Variants in LMO3 observed in about 807,000 individuals in gnomAD.
The protein encoded by LMO3 is LIM domain only protein 3.
In LMO3, 2 loss-of-function variants were observed where a neutral mutation model predicts 15.8. The ratio of observed to expected loss-of-function variants is 0.13; its 90% CI spans 0.05 to 0.40. The LOEUF (loss-of-function observed/expected upper bound fraction) is 0.40, where lower values mean the gene tolerates loss of function less well. Among genes scored for constraint, LMO3 ranks in the 10% least tolerant of loss-of-function variants. The pLI is 0.99. For synonymous variants in LMO3, 62 were observed against 63.8 expected, an observed-to-expected ratio of 0.97 and a Z score of 0.13; for missense variants, 86 against 182.2, an observed-to-expected ratio of 0.47 and a Z score of 3.04.
At chr12:16,600,176 CTT>C (rs981350739) in intron 2 of LMO3, 2 of 156,540 alleles carry the variant, frequency 1.3e-5, no homozygotes, top group African/African-American at 4.9e-5. Flanking sequence ...CAATTAAACT[CTT>C]TTACACAGTC....
At chr12:16,551,765 G>A (rs972522344) in intron 3 of LMO3, among the ~76,000 whole-genome samples, 1 of 151,962 alleles carries the variant, frequency 6.6e-6, no homozygotes, top group Non-Finnish European at 1.5e-5. Flanking sequence ...GCATTAAAAT[G>A]AATCAAACAA....
chr12:16,581,956 T>C (rs1388761812), intron 2 of LMO3, among the ~76,000 whole-genome samples: 1 of 152,114 alleles, frequency 6.6e-6, no homozygotes. Flanking sequence ...ATAAAATAAT[T>C]ATCTTTTTTA....
At chr12:16,605,439 C>CG (rs1943960404) in intron 1 of LMO3, 1 of 644,882 alleles carries the variant, frequency 1.6e-6, no homozygotes, top group South Asian at 7.1e-5. Flanking sequence ...CCCGCCTGCC[C>CG]CCCCCCCCCG....
At chr12:16,581,241 T>G (rs186279185) in intron 2 of LMO3, among the ~76,000 whole-genome samples, 49 of 152,296 alleles carry the variant, frequency 3.2e-4, no homozygotes, top group African/African-American at 1.2e-3. Context: ...GTACAGCTCA[T>G]AAGGATGGGT....
chr12:16,585,170 A>G lies in LMO3; in HGVS notation c.206+15485T>C, dbSNP rs1943278993. On this transcript the variant is annotated intron_variant, in intron 2 of 3. Transcript: ENST00000537304. The surrounding 1 kb of genome is among the most constrained non-coding windows in gnomAD (Gnocchi z 4.7). ...CATGCAAGCCCCAGTTCACAACGTT[A>G]TTTTTCCTTCCAGACTCCGGAACCT... Among the ~76,000 whole-genome samples, 1 of 152,054 alleles carries G rather than the reference A, an allele frequency of 6.6e-6. No individual in the cohort carries two copies. The highest frequency in any genetic ancestry group is 1.5e-5 in the Non-Finnish European group (1 of 68,022).
At position 16,599,925 on chromosome 12, in the gene LMO3, A is replaced by G. The variant is rs1472615336; in HGVS notation, c.206+730T>C. 6.6e-6 allele frequency: 1 copy of G among 152,184 alleles called. No individual in the cohort carries two copies. Among genetic ancestry groups the G allele is most frequent in the Non-Finnish European group, 1.5e-5 (1 of 68,048 alleles). 9.4% of individuals were successfully genotyped at this position (152,184 alleles called of 1,614,324 possible). On this transcript the variant is annotated intron_variant, in intron 2 of 3. Transcript: ENST00000537304. The surrounding 1 kb of genome is among the most constrained non-coding windows in gnomAD (Gnocchi z 4.1). The stretch of plus-strand genomic sequence containing the variant: ...TTACTTTGTTATTATCCATAAAACT[A>G]CTGGCAAGTCTGAGGCGGTTCAATT...
chr12:16,605,342 T>C (rs1943951756), intron 1 of LMO3: 6 of 1,156,540 alleles, frequency 5.2e-6, no homozygotes, highest in Non-Finnish European at 6.4e-6. Flanking sequence ...CCGTAAAAAA[T>C]GTGCTGCATC....
chr12:16,602,233 T>G (rs1943844248), intron 1 of LMO3: 2 of 152,358 alleles, frequency 1.3e-5, no homozygotes, highest in South Asian at 2.1e-4. Flanking sequence ...TCTGCACTTT[T>G]GTACATTTTC....
intron 2 of LMO3, among the ~76,000 whole-genome samples, chr12:16,569,901 T>G (rs1220552461): frequency 6.6e-6 from 1 of 152,114 alleles, no homozygotes. Context: ...TAGAAACAAA[T>G]ATTTTATCTA....
chr12:16,595,497 A>G (rs1374514919), intron 2 of LMO3, among the ~76,000 whole-genome samples: 1 of 151,406 alleles, frequency 6.6e-6, no homozygotes, highest in Admixed American at 6.6e-5. Context: ...CTTCTGAAGA[A>G]TTATCCAAAA....
At chr12:16,552,007 T>C (rs889387639) in intron 3 of LMO3, among the ~76,000 whole-genome samples, 1 of 152,140 alleles carries the variant, frequency 6.6e-6, no homozygotes, top group African/African-American at 2.4e-5. Context: ...GTAACCTAAA[T>C]GAACTACTTA....
Position 16,603,147 on chromosome 12 carries a change from TCA to T in LMO3, c.-8-2281_-8-2280del, listed in dbSNP as rs1943881119. Among the ~76,000 whole-genome samples the T allele has an allele frequency of 6.6e-6, 1 of 152,206 alleles. No homozygotes were observed. The highest frequency in any genetic ancestry group is 2.1e-4 in the South Asian group (1 of 4,834). Reference sequence around the variant, plus strand: ...ACAAGTAACACTACCCTACTTGTCTTCACAAAATGTTTTTGTTGTGTTGACAT... The same window carrying T: ...ACAAGTAACACTACCCTACTTGTCTTCAAAATGTTTTTGTTGTGTTGACAT... On this transcript the variant is annotated intron_variant, in intron 1 of 3. Transcript: ENST00000537304. This position sits in a 1 kb window ranked among gnomAD's most constrained non-coding sequence, Gnocchi z 4.9.
At chr12:16,578,821 C>A (rs11834066) in intron 2 of LMO3, among the ~76,000 whole-genome samples, 54 of 65,262 alleles carry the variant, frequency 8.3e-4, no homozygotes, top group African/African-American at 4.2e-3. Context: ...CTGTCTCAAA[C>A]AACAACAACA....
intron 2 of LMO3, among the ~76,000 whole-genome samples, chr12:16,583,014 T>G (rs984195412): frequency 1.4e-5 from 2 of 142,246 alleles, no homozygotes; most frequent in Non-Finnish European, 3.0e-5. Context: ...TCCACTGCAC[T>G]CTAGCCTGGG....
intron 2 of LMO3, among the ~76,000 whole-genome samples, chr12:16,571,014 C>T (rs370639068): frequency 6.6e-6 from 1 of 151,564 alleles, no homozygotes; most frequent in East Asian, 1.9e-4. Context: ...GCACATGTAC[C>T]CTAAAACTTA....
At chr12:16,607,313 A>G (rs760856436), upstream of LMO3, 6 of 152,386 alleles carry the variant, frequency 3.9e-5, no homozygotes, top group South Asian at 4.1e-4. Flanking sequence ...ACACGCTCCA[A>G]TGAAAAACAG....
chr12:16,600,911 A>G (rs1460222355), intron 1 of LMO3, 43 bp from the exon 2 acceptor site: 3 of 1,417,176 alleles, frequency 2.1e-6, no homozygotes, highest in Admixed American at 1.8e-5. Flanking sequence ...AGACTACCAG[A>G]CAGAATAAAA....
At chr12:16,570,204 T>C (rs933788638) in intron 2 of LMO3, among the ~76,000 whole-genome samples, 3 of 152,160 alleles carry the variant, frequency 2.0e-5, no homozygotes, top group Admixed American at 6.6e-5. Context: ...TAAAATTGAA[T>C]AGGGTTTTCT....
chr12:16,564,346 G>T (rs567749394), intron 2 of LMO3, among the ~76,000 whole-genome samples: 55 of 152,294 alleles, frequency 3.6e-4, no homozygotes, highest in Non-Finnish European at 4.4e-4. Context: ...TTTTAAAGGT[G>T]CCAGAACATT....
Sources: allele counts gnomAD v4.1 joint callset (sites outside exome capture counted in the v4.1 genomes callset), GRCh38; gene constraint gnomAD v4.1.1; non-coding constraint Gnocchi (gnomAD v3.1); transcripts MANE v1.5; gene names NCBI Gene and HGNC (gene_info 2026-07-23, HGNC 2026-07-21).